Variants in LYSMD2 observed in about 807,000 individuals in gnomAD.
The protein encoded by LYSMD2 is LysM domain containing 2.
A neutral mutation model predicts 17.7 loss-of-function variants in LYSMD2; 6 were observed. That is an observed-to-expected ratio of 0.34 (90% CI 0.19 to 0.67). LYSMD2 has a LOEUF of 0.67. Among genes scored for constraint, LYSMD2 ranks in the 30% least tolerant of loss-of-function variants. The pLI is 0.69. For missense variants in LYSMD2, 237 were observed against 286.7 expected (o/e 0.83, Z 1.25); for synonymous variants, 102 against 129.8 (o/e 0.79, Z 1.45).
intron 1 of LYSMD2, among the ~76,000 whole-genome samples, chr15:51,748,069 G>A (rs560142577): frequency 1.6e-4 from 25 of 151,620 alleles, no homozygotes; most frequent in African/African-American, 5.3e-4. Flanking sequence ...TCAGGAGATC[G>A]ACACCATCCT....
chr15:51,723,713 A>C, intron 2 of LYSMD2, 64 bp from the exon 3 acceptor site: 1 of 1,185,820 alleles, frequency 8.4e-7, no homozygotes. Flanking sequence ...CTAAAACATC[A>C]ACTTATTATA....
intron 1 of LYSMD2, among the ~76,000 whole-genome samples, chr15:51,745,545 G>A (rs2055663410): frequency 1.3e-5 from 2 of 152,100 alleles, no homozygotes; most frequent in Admixed American, 1.3e-4. Flanking sequence ...ATGAAATCCA[G>A]CACCCTTTTG....
chr15:51,738,625 G>A (rs1267514014), upstream of LYSMD2, among the ~76,000 whole-genome samples: 1 of 152,062 alleles, frequency 6.6e-6, no homozygotes, highest in Non-Finnish European at 1.5e-5. Flanking sequence ...TCTAGTGCCT[G>A]GTTTCTGTGT....
intron 1 of LYSMD2, among the ~76,000 whole-genome samples, chr15:51,742,735 A>G (rs2055649181): frequency 6.6e-6 from 1 of 152,130 alleles, no homozygotes; most frequent in Admixed American, 6.5e-5. Flanking sequence ...AGGCAGGAGA[A>G]TCCCTTGAGG....
upstream of LYSMD2, among the ~76,000 whole-genome samples, chr15:51,740,504 G>C (rs1462519330): frequency 1.3e-5 from 2 of 152,152 alleles, no homozygotes; most frequent in Non-Finnish European, 2.9e-5. Flanking sequence ...TCTTTGCCAA[G>C]GCAATTTTAA....
At chr15:51,733,370 C>G in intron 1 of LYSMD2, among the ~76,000 whole-genome samples, 1 of 151,558 alleles carries the variant, frequency 6.6e-6, no homozygotes, top group East Asian at 1.9e-4. Flanking sequence ...AAAATATAAG[C>G]TCTATGAGGA....
chr15:51,747,159 C>T (rs1191923807), intron 1 of LYSMD2, among the ~76,000 whole-genome samples: 1 of 151,694 alleles, frequency 6.6e-6, no homozygotes, highest in Non-Finnish European at 1.5e-5. Flanking sequence ...GAGATCACGC[C>T]ATTGCACTCC....
At chr15:51,725,184 T>A in intron 1 of LYSMD2, 63 bp from the exon 2 acceptor site, 4 of 1,034,860 alleles carry the variant, frequency 3.9e-6, no homozygotes, top group Non-Finnish European at 5.7e-6. Context: ...AGATTTATTA[T>A]ACAATACAGA....
At chr15:51,726,350 A>G (rs1344466453) in intron 1 of LYSMD2, among the ~76,000 whole-genome samples, 1 of 152,192 alleles carries the variant, frequency 6.6e-6, no homozygotes, top group Admixed American at 6.5e-5. Context: ...AGGTATACCT[A>G]TTGCTATTTC....
intron 1 of LYSMD2, among the ~76,000 whole-genome samples, chr15:51,730,637 T>C (rs1162250656): frequency 2.0e-5 from 3 of 152,208 alleles, no homozygotes; most frequent in Non-Finnish European, 4.4e-5. Context: ...ACTCTTCCCA[T>C]CTTGGGCCAG....
intron 1 of LYSMD2, among the ~76,000 whole-genome samples, chr15:51,730,115 T>C (rs2055567211): frequency 6.6e-6 from 1 of 152,176 alleles, no homozygotes. Flanking sequence ...AAACAGTTTA[T>C]AGAATAAGGA....
At chr15:51,725,184 T>C in intron 1 of LYSMD2, 63 bp from the exon 2 acceptor site, 1 of 1,034,860 alleles carries the variant, frequency 9.7e-7, no homozygotes, top group Non-Finnish European at 1.4e-6. Context: ...AGATTTATTA[T>C]ACAATACAGA....
At chr15:51,741,985 A>G (rs1227805867), upstream of LYSMD2, among the ~76,000 whole-genome samples, 3 of 150,356 alleles carry the variant, frequency 2.0e-5, no homozygotes, top group Non-Finnish European at 4.4e-5. Flanking sequence ...TCACAATGTT[A>G]TGCAACTATC....
chr15:51,737,860 G>A (rs1322092594), upstream of LYSMD2: 4 of 291,448 alleles, frequency 1.4e-5, no homozygotes, highest in Non-Finnish European at 2.5e-5. This position sits in a 1 kb window ranked among gnomAD's most constrained non-coding sequence, Gnocchi z 4.2. Context: ...AAGAGCGAAA[G>A]CAGCTCCCGC....
intron 1 of LYSMD2, among the ~76,000 whole-genome samples, chr15:51,732,057 TTA>T (rs1268564645): frequency 6.6e-6 from 1 of 152,160 alleles, no homozygotes; most frequent in Non-Finnish European, 1.5e-5. Flanking sequence ...AAGCCTAAAC[TTA>T]TATGTCATTC....
intron 1 of LYSMD2, among the ~76,000 whole-genome samples, chr15:51,734,817 A>C (rs1280764156): frequency 6.6e-6 from 1 of 152,228 alleles, no homozygotes; most frequent in Admixed American, 6.5e-5. Flanking sequence ...AGTCAGAAGA[A>C]AAATATTTTT....
chr15:51,726,536 T>C (rs2055541093), intron 1 of LYSMD2, among the ~76,000 whole-genome samples: 1 of 152,218 alleles, frequency 6.6e-6, no homozygotes, highest in Admixed American at 6.5e-5. Context: ...GACAGAATCA[T>C]TCAGACATGC....
At chr15:51,732,126 G>T (rs1595850315) in intron 1 of LYSMD2, among the ~76,000 whole-genome samples, 1 of 152,094 alleles carries the variant, frequency 6.6e-6, no homozygotes, top group Non-Finnish European at 1.5e-5. Context: ...CACCAGCAAG[G>T]GCAGCAGTCT....
At chr15:51,726,460 G>A (rs2055540689) in intron 1 of LYSMD2, among the ~76,000 whole-genome samples, 1 of 152,202 alleles carries the variant, frequency 6.6e-6, no homozygotes, top group Non-Finnish European at 1.5e-5. Context: ...TGGCTCCAGA[G>A]TGAGCATATG....
Sources: allele counts gnomAD v4.1 joint callset (sites outside exome capture counted in the v4.1 genomes callset), GRCh38; gene constraint gnomAD v4.1.1; non-coding constraint Gnocchi (gnomAD v3.1); transcripts MANE v1.5; gene names NCBI Gene and HGNC (gene_info 2026-07-23, HGNC 2026-07-21).